The following FBN2 variants were observed in gnomAD, a reference collection of about 807,000 sequenced individuals.
The protein encoded by FBN2 is fibrillin-2.
A neutral mutation model predicts 355.6 loss-of-function variants in FBN2; 105 were observed. The observed-to-expected ratio is 0.30, with a 90% confidence interval of 0.25 to 0.35. The LOEUF (loss-of-function observed/expected upper bound fraction) is 0.35. Ranked by LOEUF, FBN2 falls within the 10% of genes least tolerant of loss-of-function variation. The pLI, the probability that FBN2 is intolerant of heterozygous loss-of-function variation, is 1.00. For missense variants in FBN2, 3,280 were observed against 3,758.7 expected, an observed-to-expected ratio of 0.87 and a Z score of 3.33; for synonymous variants, 1,350 against 1,301.2, an observed-to-expected ratio of 1.04 and a Z score of -0.81.
At chr5:128,533,445 C>T (rs191596729) in intron 2 of FBN2, among the ~76,000 whole-genome samples, 1 of 152,188 alleles carries the variant, frequency 6.6e-6, no homozygotes, top group Non-Finnish European at 1.5e-5. Flanking sequence ...GACTATGGTA[C>T]ACTTACTGAA....
At chr5:128,272,152 A>T (rs1175568191) in intron 61 of FBN2, 34 bp from the exon 62 acceptor site, 1 of 1,613,290 alleles carries the variant, frequency 6.2e-7, no homozygotes, top group Middle Eastern at 1.7e-4. Context: ...CCTTTATGTC[A>T]CCTTTCTTCT....
At position 128,335,268 on chromosome 5, in the gene FBN2, T is replaced by C. The variant is rs1452316489; in HGVS notation, c.3875A>G (p.Asp1292Gly). ...GGTACACTGGCCGCCATCACAGATA[T>C]CAGGATTGTTTTCACATTCATCAAT... Reference protein sequence around the residue: ...ADIDECENNPDICDGGQCTNI... With the variant: ...ADIDECENNPGICDGGQCTNI... The change falls in exon 30 of 65, where the codon GAT (aspartate) becomes GGT (glycine). Residue 1292 changes from aspartate (D) to glycine (G), a missense_variant. Asp to Gly is a moderately conservative substitution (Grantham distance 94, BLOSUM62 -1). This residue lies in a region of FBN2 where 2,284 missense variants were observed against 2,749.5 expected (regional missense o/e 0.83). Transcript: ENST00000262464. 6.2e-7 allele frequency: 1 copy of C among 1,614,154 alleles called. No individual in the cohort carries two copies. The highest frequency in any genetic ancestry group is 8.5e-7 in the Non-Finnish European group (1 of 1,179,970).
rs552786756 is a variant in FBN2 at position 128,305,099 on chromosome 5, T to C, written c.5675-17A>G. The C allele has an allele frequency of 1.9e-5, 30 of 1,564,838 alleles. 2 individuals are homozygous for C. The highest frequency in any genetic ancestry group is 2.6e-5 in the Non-Finnish European group (30 of 1,141,270). ...CATTGCGATCTAAAACAGAAAAAAATAAATGTTACATGTATCTGATTTTTA... is the reference window on the plus strand; with the variant it reads ...CATTGCGATCTAAAACAGAAAAAAACAAATGTTACATGTATCTGATTTTTA... On this transcript the variant is annotated splice_polypyrimidine_tract_variant and intron_variant, in intron 44 of 64. Transcript: ENST00000262464.
intron 7 of FBN2, among the ~76,000 whole-genome samples, chr5:128,417,396 A>G (rs1383423777): frequency 3.3e-5 from 5 of 152,120 alleles, no homozygotes; most frequent in African/African-American, 4.8e-5. Context: ...TCTGTTCAAT[A>G]TAAGTGGTGA....
intron 7 of FBN2, chr5:128,442,187 G>C (rs1753939749): frequency 2.9e-5 from 11 of 381,328 alleles, no homozygotes; most frequent in South Asian, 2.1e-4. Context: ...AAACTAAATT[G>C]CAAACAACTA....
chr5:128,285,200 TG>T (rs1342903015), intron 55 of FBN2, among the ~76,000 whole-genome samples: 3 of 78,000 alleles, frequency 3.8e-5, no homozygotes, highest in Non-Finnish European at 5.9e-5. Context: ...TCGACTTTTT[TG>T]GGTAAGTTTG....
intron 5 of FBN2, among the ~76,000 whole-genome samples, chr5:128,509,152 A>T (rs1478829129): frequency 1.3e-5 from 2 of 151,944 alleles, no homozygotes; most frequent in Non-Finnish European, 2.9e-5. Flanking sequence ...AATTTGGAAA[A>T]ATTTTGACCA....
chr5:128,393,928 G>C (rs566314630), intron 9 of FBN2, among the ~76,000 whole-genome samples: 1 of 151,776 alleles, frequency 6.6e-6, no homozygotes, highest in Admixed American at 6.5e-5. Context: ...AGAGAAGCAA[G>C]AAGATAGCAA....
chr5:128,410,425 A>C (rs961406367), intron 7 of FBN2, among the ~76,000 whole-genome samples: 5 of 152,228 alleles, frequency 3.3e-5, no homozygotes, highest in Non-Finnish European at 5.9e-5. Context: ...GAAGGATACA[A>C]GGTAAAGCAA....
At chr5:128,524,843 G>T (rs2112794655) in intron 4 of FBN2, among the ~76,000 whole-genome samples, 1 of 152,252 alleles carries the variant, frequency 6.6e-6, no homozygotes, top group African/African-American at 2.4e-5. Flanking sequence ...TAAGGAAGAT[G>T]TCATCCCATG....
chr5:128,324,918 C>T (rs1750502820), intron 34 of FBN2, among the ~76,000 whole-genome samples: 1 of 152,118 alleles, frequency 6.6e-6, no homozygotes, highest in Admixed American at 6.6e-5. Context: ...TGCGCTCGGC[C>T]ATGAGTGAGT....
intron 27 of FBN2, 74 bp from the exon 28 acceptor site, chr5:128,336,187 G>C: frequency 2.1e-6 from 3 of 1,462,984 alleles, no homozygotes; most frequent in East Asian, 2.3e-5. Flanking sequence ...TGCTTCACCA[G>C]AGCAGTGGTC....
intron 64 of FBN2, among the ~76,000 whole-genome samples, chr5:128,260,124 G>C (rs1036935610): frequency 6.6e-6 from 1 of 151,724 alleles, no homozygotes; most frequent in African/African-American, 2.4e-5. Flanking sequence ...CCCATTTCAA[G>C]TTTTTTTTGA....
chr5:128,386,758 C>T (rs1278095375), intron 11 of FBN2, among the ~76,000 whole-genome samples: 1 of 152,068 alleles, frequency 6.6e-6, no homozygotes, highest in Non-Finnish European at 1.5e-5. Context: ...TTTGCATATG[C>T]TGAACTCACC....
chr5:128,382,830 T>C (rs34806635), intron 11 of FBN2, among the ~76,000 whole-genome samples: 9,728 of 152,160 alleles, frequency 0.064, 406 homozygotes, highest in Non-Finnish European at 0.088. Flanking sequence ...TCATAATTTC[T>C]TGCCTAGACT....
intron 18 of FBN2, among the ~76,000 whole-genome samples, chr5:128,364,082 T>G (rs984024483): frequency 1.2e-4 from 18 of 152,202 alleles, no homozygotes; most frequent in Non-Finnish European, 2.4e-4. Flanking sequence ...GTCAAACCTT[T>G]TCATCCTCCT....
rs1060503499 is a variant in FBN2, at chr5:128,376,815, C to T, written c.1888G>A (p.Gly630Arg). 6.2e-7 allele frequency: 1 copy of T among 1,613,574 alleles called. No homozygotes were observed. The highest frequency in any genetic ancestry group is 8.5e-7 in the Non-Finnish European group (1 of 1,179,652). ...ECTTTNMCLNGMCINEDGSFK... is the reference protein window; with the variant it reads ...ECTTTNMCLNRMCINEDGSFK... ...CTGCCATCTTCATTGATGCACATTCCATTCAAACACATGTTGGTAGTTGTA... is the reference window on the plus strand; with the variant it reads ...CTGCCATCTTCATTGATGCACATTCTATTCAAACACATGTTGGTAGTTGTA... The change falls in exon 14 of 65, where the codon GGA (glycine) becomes AGA (arginine). Residue 630 changes from glycine to arginine, a missense_variant. Transcript: ENST00000262464.
chr5:128,430,243 AT>A (rs998734928), intron 7 of FBN2, among the ~76,000 whole-genome samples: 4 of 148,148 alleles, frequency 2.7e-5, no homozygotes, highest in South Asian at 2.1e-4. Flanking sequence ...TTCATTTTTC[AT>A]TTTTTTTAAA....
chr5:128,277,146 T>C (rs1432156045), intron 58 of FBN2, among the ~76,000 whole-genome samples: 1 of 152,132 alleles, frequency 6.6e-6, no homozygotes, highest in Non-Finnish European at 1.5e-5. Context: ...GTTATTGACA[T>C]AGGTAATTTG....
Sources: allele counts gnomAD v4.1 joint callset (sites outside exome capture counted in the v4.1 genomes callset), GRCh38; gene constraint gnomAD v4.1.1; regional missense constraint gnomAD v4.1.1; transcripts MANE v1.5; gene names NCBI Gene and HGNC (gene_info 2026-07-23, HGNC 2026-07-21).